VPS13A: variants seen among roughly 807,000 people sequenced by gnomAD.
VPS13A encodes intermembrane lipid transfer protein VPS13A.
Under a neutral mutation model 390.9 loss-of-function variants are expected in VPS13A, and 264 were observed. That is an observed-to-expected ratio of 0.68 (90% CI 0.61 to 0.75). The LOEUF is 0.75. Ranked by LOEUF, VPS13A falls within the 30% of genes least tolerant of loss-of-function variation. The pLI, the probability that VPS13A is intolerant of heterozygous loss-of-function variation, is 0.00. For synonymous variants in VPS13A, 1,231 were observed against 1,227.1 expected (o/e 1.00, Z -0.07); for missense variants, 3,409 against 3,733.9 (o/e 0.91, Z 2.27).
intron 40 of VPS13A, 53 bp from the exon 41 acceptor site, chr9:77,318,182 C>A: frequency 1.0e-6 from 1 of 959,216 alleles, no homozygotes; most frequent in Non-Finnish European, 1.6e-6. Context: ...TATTTCTTGA[C>A]GTAGTATGTT....
At chr9:77,205,921 A>C in intron 4 of VPS13A, 57 bp from the exon 5 acceptor site, 2 of 1,289,610 alleles carry the variant, frequency 1.6e-6, no homozygotes, top group Admixed American at 2.2e-5. Flanking sequence ...ATTTTTTTGG[A>C]ATGACTATAT....
Position 77,247,350 on chromosome 9 carries a change from T to C in VPS13A, c.1992T>C (p.Phe664=). 5 of 1,612,644 alleles carry C rather than the reference T, an allele frequency of 3.1e-6. No individual in the cohort carries two copies. The highest frequency in any genetic ancestry group is 4.2e-6 in the Non-Finnish European group (5 of 1,179,356). The change falls in exon 20 of 72, where the codon TTT becomes TTC. Residue 664 remains phenylalanine, a synonymous_variant. Coordinates refer to ENST00000360280, the MANE Select transcript of VPS13A (RefSeq NM_033305.3). ...SYIIVPQDGI[F]SPTSNLLLLD... is the part of the protein sequence containing the mutation. ...TTATTGTCCCACAAGATGGAATTTT[T>C]AGTCCTACATCAAATCTGCTTCTTT... is the stretch of plus-strand genomic sequence containing the variant.
intron 23 of VPS13A, among the ~76,000 whole-genome samples, chr9:77,269,123 G>T: frequency 6.6e-6 from 1 of 151,976 alleles, no homozygotes; most frequent in Non-Finnish European, 1.5e-5. Flanking sequence ...TGAGCTTTTT[G>T]TATCACATCT....
intron 67 of VPS13A, among the ~76,000 whole-genome samples, chr9:77,377,190 T>G (rs1236055510): frequency 6.6e-6 from 1 of 150,568 alleles, no homozygotes; most frequent in East Asian, 1.9e-4. Flanking sequence ...TATTCCTAAG[T>G]ATTTTTGATG....
intron 68 of VPS13A, among the ~76,000 whole-genome samples, chr9:77,400,222 G>GTTT (rs1834313781): frequency 1.2e-5 from 1 of 84,612 alleles, no homozygotes; most frequent in Non-Finnish European, 2.2e-5. Context: ...TTATCAGTCA[G>GTTT]ATTTTTTTTT....
intron 35 of VPS13A, among the ~76,000 whole-genome samples, chr9:77,309,198 T>G (rs968439034): frequency 3.9e-5 from 6 of 152,194 alleles, no homozygotes; most frequent in African/African-American, 1.2e-4. Flanking sequence ...ATATTATTGC[T>G]GAAAATTTGA....
At chr9:77,369,149 G>T in intron 62 of VPS13A, 150 bp from the exon 63 acceptor site, 1 of 662,904 alleles carries the variant, frequency 1.5e-6, no homozygotes. Context: ...AGAAAAAAAA[G>T]AGTAGTGATT....
Position 77,323,245 on chromosome 9 carries a change from T to C in VPS13A, c.5991+18T>C. 6.2e-7 allele frequency: 1 copy of C among 1,612,478 alleles called. No homozygotes were observed. The highest frequency in any genetic ancestry group is 1.1e-5 in the South Asian group (1 of 91,028). On this transcript the variant is annotated intron_variant, in intron 45 of 71. Coordinates refer to ENST00000360280, the MANE Select transcript of VPS13A (RefSeq NM_033305.3). ...CAGTGCAGGTATGAAATGATCAATTTTGGGGGATGTCCTGTTATGCATATC... is the reference window on the plus strand; with the variant it reads ...CAGTGCAGGTATGAAATGATCAATTCTGGGGGATGTCCTGTTATGCATATC...
intron 33 of VPS13A, among the ~76,000 whole-genome samples, chr9:77,297,445 G>T (rs961943455): frequency 1.3e-5 from 2 of 151,738 alleles, no homozygotes; most frequent in South Asian, 4.2e-4. Context: ...TGTTAATTAT[G>T]GTAAAACAAT....
chr9:77,308,263 T>G (rs1828883995), intron 35 of VPS13A, among the ~76,000 whole-genome samples, 165 bp downstream of exon 35: 1 of 152,122 alleles, frequency 6.6e-6, no homozygotes, highest in Admixed American at 6.5e-5. Flanking sequence ...AAATAAGATT[T>G]GTAAATCTGT....
intron 5 of VPS13A, among the ~76,000 whole-genome samples, chr9:77,206,985 T>A (rs934319427): frequency 6.6e-6 from 1 of 151,614 alleles, no homozygotes; most frequent in East Asian, 1.9e-4. Flanking sequence ...CTTTATATTA[T>A]GTGTAGTCAT....
In VPS13A at chr9:77,209,047, G is replaced by A. The variant is rs192864601; in HGVS notation, c.386-376G>A. ...ACATCTATACACAGGCAACTTAATG[G>A]TGGTATCACTAATTTTGAGAGAGAT... On this transcript the variant is annotated intron_variant, in intron 5 of 71. Coordinates refer to ENST00000360280, the MANE Select transcript of VPS13A (RefSeq NM_033305.3). Among the ~76,000 whole-genome samples the A allele has an allele frequency of 1.3e-3, 191 of 152,288 alleles. 3 individuals are homozygous for A. The highest frequency in any genetic ancestry group is 0.012 in the Admixed American group (182 of 15,298).
chr9:77,396,990 C>T (rs1222590512), intron 68 of VPS13A, among the ~76,000 whole-genome samples: 1 of 152,088 alleles, frequency 6.6e-6, no homozygotes, highest in Non-Finnish European at 1.5e-5. Context: ...AGATGAATTT[C>T]ATGGTTTTTT....
chr9:77,377,082 A>G (rs1165360573), intron 67 of VPS13A, among the ~76,000 whole-genome samples: 1 of 152,168 alleles, frequency 6.6e-6, no homozygotes, highest in Non-Finnish European at 1.5e-5. Flanking sequence ...AACCTGTGAA[A>G]ATGCAACGTC....
chr9:77,209,565 T>G (rs1448017806), intron 6 of VPS13A, 33 bp downstream of exon 6: 1 of 1,323,894 alleles, frequency 7.6e-7, no homozygotes, highest in Non-Finnish European at 1.1e-6. Flanking sequence ...TTTGTTTTTA[T>G]ATTTATATGT....
rs148014060 is a variant in VPS13A, at chr9:77,194,771, C to T, written c.101-5174C>T. Among the ~76,000 whole-genome samples, 28 of 152,180 alleles carry T rather than the reference C, an allele frequency of 1.8e-4. No homozygotes were observed. The East Asian group carries it at 5.4e-3, about 30-fold the overall frequency. On this transcript the variant is annotated intron_variant, in intron 1 of 71. Coordinates refer to ENST00000360280, the MANE Select transcript of VPS13A (RefSeq NM_033305.3). ...TTCCCAGCTTTCTCCTCCTTCAGCCCAGGATCCGCATCCTCCTTCTGTTCA... is the reference window on the plus strand; with the variant it reads ...TTCCCAGCTTTCTCCTCCTTCAGCCTAGGATCCGCATCCTCCTTCTGTTCA...
At chr9:77,194,451 A>C (rs1289424608) in intron 1 of VPS13A, among the ~76,000 whole-genome samples, 1 of 152,006 alleles carries the variant, frequency 6.6e-6, no homozygotes, top group Non-Finnish European at 1.5e-5. Context: ...GACCAAAGCT[A>C]CCTAGAGGTG....
intron 57 of VPS13A, 107 bp downstream of exon 57, chr9:77,358,545 G>T: frequency 1.0e-6 from 1 of 963,782 alleles, no homozygotes; most frequent in Non-Finnish European, 1.6e-6. Flanking sequence ...ATTTTTATAG[G>T]ATAATTGGAA....
rs1407192887 is a variant in VPS13A, at chr9:77,249,977, G to A, written c.2038-120G>A. Reference sequence around the variant, plus strand: ...AGGACCTTTCTAATAGCCTTATTATGTATGCTTACTTGTGAATTTATCCTC... The same window carrying A: ...AGGACCTTTCTAATAGCCTTATTATATATGCTTACTTGTGAATTTATCCTC... On this transcript the variant is annotated intron_variant, in intron 20 of 71. Transcript: ENST00000360280. 32 of 1,100,932 alleles carry A rather than the reference G, an allele frequency of 2.9e-5. No individual in the cohort carries two copies. The East Asian group carries it at 8.1e-4, about 28-fold the overall frequency. 68.2% of individuals were successfully genotyped at this position (1,100,932 alleles called of 1,614,324 possible).
Sources: gnomAD v4.1 joint callset for allele counts (sites outside exome capture counted in the v4.1 genomes callset) on GRCh38, gnomAD v4.1.1 for gene constraint, MANE v1.5 for transcripts, NCBI Gene and HGNC (gene_info 2026-07-23, HGNC 2026-07-21) for gene names.